The following FGF18 variants were observed in gnomAD, a reference collection of about 807,000 sequenced individuals.
FGF18 encodes fibroblast growth factor 18.
In FGF18, 5 loss-of-function variants were observed where a neutral mutation model predicts 23.0. The ratio of observed to expected loss-of-function variants is 0.22; its 90% CI spans 0.11 to 0.46. The LOEUF is 0.46. Ranked by LOEUF, FGF18 falls within the 20% of genes least tolerant of loss-of-function variation. The pLI, the probability that FGF18 is intolerant of heterozygous loss-of-function variation, is 0.99. For synonymous variants in FGF18, 117 were observed against 118.9 expected, an observed-to-expected ratio of 0.98 and a Z score of 0.10; for missense variants, 180 against 291.6, an observed-to-expected ratio of 0.62 and a Z score of 2.79.
chr5:171,456,877 T>C lies in FGF18; in HGVS notation c.*72T>C. On this transcript the variant is annotated 3_prime_UTR_variant, in exon 5 of 5. Transcript: ENST00000274625. The surrounding 1 kb of genome is among the most constrained non-coding windows in gnomAD (Gnocchi z 6.1). ...CCCAGAAAACTGCATCAGAGGAATATTTTTACATGAAAAATAAGGAAGAAG... is the reference window on the plus strand; with the variant it reads ...CCCAGAAAACTGCATCAGAGGAATACTTTTACATGAAAAATAAGGAAGAAG... The C allele has an allele frequency of 6.0e-6, 9 of 1,496,484 alleles. No homozygotes were observed. The highest frequency in any genetic ancestry group is 7.2e-6 in the Non-Finnish European group (8 of 1,114,612). The allele number at this position is 1,496,484 out of a possible 1,614,324, so 92.7% of individuals were successfully genotyped here.
intron 1 of FGF18, 37 bp downstream of exon 1, chr5:171,420,268 G>A (rs1228916885): frequency 5.0e-6 from 8 of 1,600,124 alleles, no homozygotes; most frequent in Non-Finnish European, 6.0e-6. Context: ...ACCTTGCCTG[G>A]CTGTCTGTCC....
Position 171,436,307 on chromosome 5 carries a change from C to G in FGF18, c.250+34C>G, listed in dbSNP as rs767625459. 6.9e-7 allele frequency: 1 copy of G among 1,453,042 alleles called. No individual in the cohort carries two copies. The highest frequency in any genetic ancestry group is 9.2e-7 in the Non-Finnish European group (1 of 1,091,724). 90.0% of individuals were successfully genotyped at this position (1,453,042 alleles called of 1,614,324 possible). A position where few individuals can be genotyped will look rare whatever the true frequency, so the allele number is the denominator to read the frequency against. On this transcript the variant is annotated intron_variant, in intron 3 of 4. Coordinates refer to ENST00000274625, the MANE Select transcript of FGF18 (RefSeq NM_003862.3). The surrounding 1 kb of genome is among the most constrained non-coding windows in gnomAD (Gnocchi z 4.4). ...CAACCCTCTCCTCCTACTCCGTGTA[C>G]CCGTGTACATGTCCTTCCTGGCCTC...
chr5:171,443,501 A>ATTTTTTT (rs59576538), intron 3 of FGF18, among the ~76,000 whole-genome samples: 1,097 of 63,730 alleles, frequency 0.017, 223 homozygotes, highest in Non-Finnish European at 0.025. Flanking sequence ...TGTTATCATC[A>ATTTTTTT]TTTTTTTTTT....
At chr5:171,443,770 G>C (rs1053146448) in intron 3 of FGF18, among the ~76,000 whole-genome samples, 2 of 152,002 alleles carry the variant, frequency 1.3e-5, no homozygotes, top group Admixed American at 6.5e-5. Context: ...CCCCTTTGCT[G>C]CTCTCCTTTC....
chr5:171,431,683 C>A (rs751803852), intron 2 of FGF18, among the ~76,000 whole-genome samples: 46 of 152,148 alleles, frequency 3.0e-4, no homozygotes, highest in Non-Finnish European at 5.6e-4. Context: ...ATGTGCATGG[C>A]GTGGCAGGAA....
At chr5:171,428,744 C>T (rs571824248) in intron 2 of FGF18, among the ~76,000 whole-genome samples, 20 of 152,252 alleles carry the variant, frequency 1.3e-4, no homozygotes, top group African/African-American at 4.6e-4. Flanking sequence ...GCATGGATGG[C>T]CATTCTCCCT....
intron 3 of FGF18, among the ~76,000 whole-genome samples, chr5:171,439,441 G>T (rs555081907): frequency 6.6e-6 from 1 of 152,180 alleles, no homozygotes; most frequent in South Asian, 2.1e-4. Flanking sequence ...GGGAGGTTGT[G>T]GGGGAGGGGC....
At chr5:171,442,643 TG>T (rs1300463856) in intron 3 of FGF18, among the ~76,000 whole-genome samples, 6 of 152,212 alleles carry the variant, frequency 3.9e-5, no homozygotes, top group Non-Finnish European at 7.3e-5. Context: ...TTTGTTCTCT[TG>T]GGTTCTGCCT....
chr5:171,447,298 T>C (rs1772431054), intron 3 of FGF18, among the ~76,000 whole-genome samples: 1 of 152,130 alleles, frequency 6.6e-6, no homozygotes, highest in Admixed American at 6.5e-5. Context: ...CCTCACCCCC[T>C]GTGGGGCCTG....
intron 2 of FGF18, among the ~76,000 whole-genome samples, chr5:171,429,855 A>C (rs573716485): frequency 6.6e-6 from 1 of 152,336 alleles, no homozygotes; most frequent in East Asian, 1.9e-4. Context: ...CCTTACCCCC[A>C]AACTATGGCC....
In FGF18 at chr5:171,456,446, C is replaced by T. The variant is rs1561892874; in HGVS notation, c.358-93C>T. 11 of 1,279,110 alleles carry T rather than the reference C, an allele frequency of 8.6e-6. No individual in the cohort carries two copies. Among genetic ancestry groups the T allele is most frequent in the African/African-American group, 1.5e-5 (1 of 67,058 alleles). 79.2% of individuals were successfully genotyped at this position (1,279,110 alleles called of 1,614,324 possible). A position where few individuals can be genotyped will look rare whatever the true frequency, so the allele number is the denominator to read the frequency against. On this transcript the variant is annotated intron_variant, in intron 4 of 4. Coordinates refer to ENST00000274625, the MANE Select transcript of FGF18 (RefSeq NM_003862.3). The surrounding 1 kb of genome is among the most constrained non-coding windows in gnomAD (Gnocchi z 6.1). The stretch of plus-strand genomic sequence containing the variant: ...TCATTACAGTTGTCCCTACAACAAT[C>T]GCAATGGTCCTGAATAAAACCTTCC...
At position 171,451,717 on chromosome 5, in the gene FGF18, C is replaced by T. The variant is rs573026130; in HGVS notation, c.357+2464C>T. On this transcript the variant is annotated intron_variant, in intron 4 of 4. Transcript: ENST00000274625. The surrounding 1 kb of genome is among the most constrained non-coding windows in gnomAD (Gnocchi z 4.5). ...CACCGAAGGCCCTGGGGAGCCTCCCCGGGCACATGGATTCCTTATGCTCCA... is the reference window on the plus strand; with the variant it reads ...CACCGAAGGCCCTGGGGAGCCTCCCTGGGCACATGGATTCCTTATGCTCCA... Among the ~76,000 whole-genome samples, 151 of 152,318 alleles carry T rather than the reference C, an allele frequency of 9.9e-4. No homozygotes were observed. The highest frequency in any genetic ancestry group is 3.5e-3 in the African/African-American group (144 of 41,584).
chr5:171,432,844 C>T (rs903547622), intron 2 of FGF18, among the ~76,000 whole-genome samples: 2 of 152,214 alleles, frequency 1.3e-5, no homozygotes, highest in Admixed American at 6.5e-5. Context: ...ATTTCCCTCA[C>T]TTTTGGCCGC....
intron 2 of FGF18, among the ~76,000 whole-genome samples, chr5:171,429,943 G>A (rs1489513055): frequency 1.3e-5 from 2 of 152,254 alleles, no homozygotes; most frequent in African/African-American, 2.4e-5. Context: ...AGTGGCAGGC[G>A]AGGGCAAAGC....
chr5:171,420,401 C>T lies in FGF18; in HGVS notation c.33-6C>T. The stretch of plus-strand genomic sequence containing the variant: ...CACTGACCGCTTCTCCATCTGTTTC[C>T]CGCAGGTGTTTACACTTCCTGCTGC... On this transcript the variant is annotated splice_region_variant and splice_polypyrimidine_tract_variant and intron_variant, in intron 1 of 4. Transcript: ENST00000274625. 6.2e-7 allele frequency: 1 copy of T among 1,613,792 alleles called. No individual in the cohort carries two copies. Among genetic ancestry groups the T allele is most frequent in the Non-Finnish European group, 8.5e-7 (1 of 1,179,890 alleles).
At chr5:171,431,000 G>A (rs1772174909) in intron 2 of FGF18, among the ~76,000 whole-genome samples, 1 of 152,108 alleles carries the variant, frequency 6.6e-6, no homozygotes, top group Admixed American at 6.6e-5. Flanking sequence ...TTGCGTGTGT[G>A]GTGTGTGTAC....
rs867474061 is a variant in FGF18, at chr5:171,449,189, G to A, written c.293G>A (p.Arg98Gln). The A allele has an allele frequency of 1.2e-6, 2 of 1,613,946 alleles. No individual in the cohort carries two copies. Among genetic ancestry groups the A allele is most frequent in the Admixed American group, 1.7e-5 (1 of 59,996 alleles). The change falls in exon 4 of 5, where the codon CGG becomes CAG. Residue 98 changes from arginine to glutamine, a missense_variant. By Grantham distance (43) the Arg-to-Gln change is conservative (BLOSUM62 1). This residue lies in a region of FGF18 where 83 missense variants were observed against 190.4 expected (regional missense o/e 0.44). Coordinates refer to ENST00000274625, the MANE Select transcript of FGF18 (RefSeq NM_003862.3). Reference protein sequence around the residue: ...VETDTFGSQVRIKGKETEFYL... With the variant: ...VETDTFGSQVQIKGKETEFYL... ...ACAGACACCTTCGGTAGTCAAGTCC[G>A]GATCAAGGGCAAGGAGACGGAATTC...
At chr5:171,423,286 C>A (rs367828695) in intron 2 of FGF18, among the ~76,000 whole-genome samples, 1 of 152,202 alleles carries the variant, frequency 6.6e-6, no homozygotes, top group African/African-American at 2.4e-5. Context: ...CTCAGGACAC[C>A]GTAGATAGCT....
In FGF18 at chr5:171,436,214, A is replaced by G; in HGVS notation, c.191A>G (p.Lys64Arg). The G allele has an allele frequency of 6.2e-7, 1 of 1,606,412 alleles. No individual in the cohort carries two copies. The highest frequency in any genetic ancestry group is 8.5e-7 in the Non-Finnish European group (1 of 1,176,076). ...LYQLYSRTSGKHIQVLGRRIS... is the reference protein window; with the variant it reads ...LYQLYSRTSGRHIQVLGRRIS... ...CAGCTCTACAGCCGGACCAGTGGGA[A>G]ACACATCCAGGTCCTGGGCCGCAGG... The change falls in exon 3 of 5, where the codon AAA (lysine) becomes AGA (arginine). Residue 64 changes from lysine to arginine, a missense_variant. Transcript: ENST00000274625. The surrounding 1 kb of genome is among the most constrained non-coding windows in gnomAD (Gnocchi z 4.4).
Sources: gnomAD v4.1 joint callset for allele counts (sites outside exome capture counted in the v4.1 genomes callset) on GRCh38, gnomAD v4.1.1 for gene constraint, gnomAD v4.1.1 regional missense constraint, Gnocchi (gnomAD v3.1) non-coding constraint, MANE v1.5 for transcripts, NCBI Gene and HGNC (gene_info 2026-07-23, HGNC 2026-07-21) for gene names.